Variants in RARA observed in about 807,000 individuals in gnomAD.
RARA encodes PML-DDX5-RARA fusion.
Under a neutral mutation model 42.8 loss-of-function variants are expected in RARA, and 5 were observed. The ratio of observed to expected loss-of-function variants is 0.12; its 90% CI spans 0.06 to 0.25. The LOEUF (loss-of-function observed/expected upper bound fraction) is 0.25. Ranked by LOEUF, RARA falls within the 10% of genes least tolerant of loss-of-function variation. The pLI is 1.00. For missense variants in RARA, 402 were observed against 628.7 expected (o/e 0.64, Z 3.86); for synonymous variants, 256 against 259.5 (o/e 0.99, Z 0.13).
intron 1 of RARA, among the ~76,000 whole-genome samples, chr17:40,327,968 G>A (rs1164265668): frequency 6.6e-6 from 1 of 152,168 alleles, no homozygotes; most frequent in Admixed American, 6.5e-5. Flanking sequence ...AGGGGCCTGG[G>A]GTAGGAAGGG....
At chr17:40,315,411 G>A (rs141459524) in intron 1 of RARA, among the ~76,000 whole-genome samples, 1 of 151,788 alleles carries the variant, frequency 6.6e-6, no homozygotes, top group Non-Finnish European at 1.5e-5. Context: ...TTTTCTTTTT[G>A]AGCCTCAGTT....
Position 40,331,281 on chromosome 17 carries a change from G to A in RARA, c.63G>A (p.Val21=), listed in dbSNP as rs2143277557. Residue 21 remains valine, a synonymous_variant, in exon 2 of 9, where the codon GTG becomes GTA. Transcript: ENST00000254066. ...PGGGHLNGYP[V]PPYAFFFPPM... ...GCGGGCACCTCAATGGGTACCCGGT[G>A]CCTCCCTACGCCTTCTTCTTCCCCC... is the stretch of plus-strand genomic sequence containing the variant. The A allele has an allele frequency of 6.2e-7, 1 of 1,613,906 alleles. No homozygotes were observed. Among genetic ancestry groups the A allele is most frequent in the Non-Finnish European group, 8.5e-7 (1 of 1,179,968 alleles).
In RARA at chr17:40,352,427, G is replaced by T. The variant is rs773208934; in HGVS notation, c.727G>T (p.Ala243Ser). The T allele has an allele frequency of 6.2e-7, 1 of 1,613,802 alleles. No homozygotes were observed. Among genetic ancestry groups the T allele is most frequent in the Non-Finnish European group, 8.5e-7 (1 of 1,179,838 alleles). Residue 243 changes from alanine (A) to serine (S), a missense_variant, in exon 6 of 9, where the codon GCC becomes TCC. Transcript: ENST00000254066. The surrounding 1 kb of genome is among the most constrained non-coding windows in gnomAD (Gnocchi z 4.9). ...GTGCATCATTAAGACTGTGGAGTTC[G>T]CCAAGCAGCTGCCCGGCTTCACCAC... ...TKCIIKTVEF[A>S]KQLPGFTTLT...
intron 1 of RARA, among the ~76,000 whole-genome samples, chr17:40,319,777 T>G: frequency 6.8e-6 from 1 of 147,764 alleles, no homozygotes; most frequent in Admixed American, 6.6e-5. Context: ...AGCCCCGGGT[T>G]GGAGTGGGGG....
intron 2 of RARA, 194 bp from the exon 3 acceptor site, chr17:40,348,122 G>T: frequency 1.9e-6 from 1 of 531,672 alleles, no homozygotes; most frequent in Non-Finnish European, 3.2e-6. Context: ...AGGAGTGATG[G>T]GGTGCTGGAG....
At position 40,342,919 on chromosome 17, in the gene RARA, G is replaced by T. The variant is rs371890185; in HGVS notation, c.179-5397G>T. On this transcript the variant is annotated intron_variant, in intron 2 of 8. Coordinates refer to ENST00000254066, the MANE Select transcript of RARA (RefSeq NM_000964.4). ...TTGTAGGGGGTGGGAGTGGGCGGTAGGGCTTCCACTACTACTCGGGGGTGA... is the reference window on the plus strand; with the variant it reads ...TTGTAGGGGGTGGGAGTGGGCGGTATGGCTTCCACTACTACTCGGGGGTGA... 154 of 1,566,364 alleles carry T rather than the reference G, an allele frequency of 9.8e-5. 1 individual carries two copies. In the Middle Eastern group the frequency reaches 4.0e-3, roughly 41 times the overall value.
chr17:40,349,529 A>G, intron 3 of RARA: 1 of 441,694 alleles, frequency 2.3e-6, no homozygotes, highest in Non-Finnish European at 4.1e-6. Flanking sequence ...GGAAGGGAGG[A>G]GTCAGGTGTG....
intron 2 of RARA, among the ~76,000 whole-genome samples, chr17:40,347,393 A>G (rs556966821): frequency 6.6e-6 from 1 of 152,306 alleles, no homozygotes; most frequent in East Asian, 1.9e-4. Flanking sequence ...GGACATGGAT[A>G]GCCCCTACCC....
At chr17:40,342,216 G>A (rs1013571055) in intron 2 of RARA, 31 of 1,054,748 alleles carry the variant, frequency 2.9e-5, no homozygotes, top group African/African-American at 3.3e-5. Context: ...GCCTGGCGGG[G>A]GCGGAACCGC....
At chr17:40,335,895 C>T (rs965297414) in intron 2 of RARA, among the ~76,000 whole-genome samples, 4 of 151,612 alleles carry the variant, frequency 2.6e-5, no homozygotes, top group Admixed American at 1.3e-4. Flanking sequence ...CTCAGCTACT[C>T]GGGAGGCTGA....
At chr17:40,329,708 C>G (rs1037902170) in intron 1 of RARA, among the ~76,000 whole-genome samples, 3 of 152,208 alleles carry the variant, frequency 2.0e-5, no homozygotes, top group African/African-American at 4.8e-5. Flanking sequence ...CCTGCCTTAG[C>G]CTCCCAAAGT....
At chr17:40,329,993 T>C (rs761803426) in intron 1 of RARA, among the ~76,000 whole-genome samples, 1 of 152,218 alleles carries the variant, frequency 6.6e-6, no homozygotes, top group Non-Finnish European at 1.5e-5. Flanking sequence ...TCTCTGTCTC[T>C]GTCTCTACCC....
intron 1 of RARA, among the ~76,000 whole-genome samples, chr17:40,322,772 G>A (rs2033427621): frequency 6.6e-6 from 1 of 152,088 alleles, no homozygotes; most frequent in Admixed American, 6.5e-5. Flanking sequence ...GGGAGGGAGA[G>A]CCCTGTCAGT....
At chr17:40,329,745 C>A (rs903319227) in intron 1 of RARA, among the ~76,000 whole-genome samples, 9 of 152,192 alleles carry the variant, frequency 5.9e-5, no homozygotes, top group African/African-American at 2.2e-4. Context: ...TGAGCCACCG[C>A]CCCCAGCCTC....
Position 40,354,753 on chromosome 17 carries a change from G to C in RARA, c.1012+247G>C, listed in dbSNP as rs949517337. On this transcript the variant is annotated intron_variant, in intron 7 of 8. Transcript: ENST00000254066. The surrounding 1 kb of genome is among the most constrained non-coding windows in gnomAD (Gnocchi z 4.5). ...GACCAACCAGGGTCACCTCCTGGCC[G>C]ATGCATGACCCTGAGCAGGTTGCTG... 1.3e-5 allele frequency among the ~76,000 whole-genome samples: 2 copies of C among 152,174 alleles called. No homozygotes were observed. The highest frequency in any genetic ancestry group is 2.9e-5 in the Non-Finnish European group (2 of 68,034).
rs2034538324 is a variant in RARA at position 40,354,163 on chromosome 17, T to C, written c.808-139T>C. ...TGCAGACGTAGAACCTTTCCATCATTGTAGAAAATTCTATCAGACAGCATT... is the reference window on the plus strand; with the variant it reads ...TGCAGACGTAGAACCTTTCCATCATCGTAGAAAATTCTATCAGACAGCATT... On this transcript the variant is annotated intron_variant, in intron 6 of 8. Coordinates refer to ENST00000254066, the MANE Select transcript of RARA (RefSeq NM_000964.4). This position sits in a 1 kb window ranked among gnomAD's most constrained non-coding sequence, Gnocchi z 4.5. The C allele has an allele frequency of 4.0e-6, 3 of 753,618 alleles. No individual in the cohort carries two copies. Among genetic ancestry groups the C allele is most frequent in the South Asian group, 1.8e-5 (1 of 56,488 alleles). The allele number at this position is 753,618 out of a possible 1,614,324, so 46.7% of individuals were successfully genotyped here. A position where few individuals can be genotyped will look rare whatever the true frequency, so the allele number is the denominator to read the frequency against.
At chr17:40,314,183 G>A (rs1273500710) in intron 1 of RARA, among the ~76,000 whole-genome samples, 1 of 147,338 alleles carries the variant, frequency 6.8e-6, no homozygotes, top group Non-Finnish European at 1.5e-5. Context: ...CGGGTGGAGG[G>A]GTGGGGTGGG....
At chr17:40,342,008 C>G (rs1421304038) in intron 2 of RARA, 1 of 1,092,238 alleles carries the variant, frequency 9.2e-7, no homozygotes, top group African/African-American at 1.6e-5. Context: ...GTCCACATGC[C>G]GCCTCTCCCT....
intron 1 of RARA, among the ~76,000 whole-genome samples, chr17:40,319,583 C>T (rs1393122550): frequency 1.3e-5 from 2 of 151,854 alleles, no homozygotes; most frequent in Non-Finnish European, 2.9e-5. Context: ...GACACTCCCC[C>T]TCCTCAGTTT....
Sources: gnomAD v4.1 joint callset for allele counts (sites outside exome capture counted in the v4.1 genomes callset) on GRCh38, gnomAD v4.1.1 for gene constraint, Gnocchi (gnomAD v3.1) non-coding constraint, MANE v1.5 for transcripts, NCBI Gene and HGNC (gene_info 2026-07-23, HGNC 2026-07-21) for gene names.